L3MBTL4: variants seen among roughly 807,000 people sequenced by gnomAD.
L3MBTL4 encodes L3MBTL histone methyl-lysine binding protein 4.
A neutral mutation model predicts 84.5 loss-of-function variants in L3MBTL4; 70 were observed. The ratio of observed to expected loss-of-function variants is 0.83; its 90% confidence interval spans 0.68 to 1.01. The LOEUF is 1.01. Ranked by LOEUF, L3MBTL4 falls within the 50% of genes least tolerant of loss-of-function variation. The pLI is 0.00. For missense variants in L3MBTL4, 715 were observed against 754.8 expected (o/e 0.95, Z 0.62); for synonymous variants, 274 against 259.8 (o/e 1.05, Z -0.52).
In L3MBTL4 at chr18:6,010,514, G is replaced by A. The variant is rs573300384; in HGVS notation, c.1445-40952C>T. On this transcript the variant is annotated intron_variant, in intron 16 of 18. Transcript: ENST00000317931. ...TGCATAAATGATCGCTGTAGTCAGC[G>A]CCACTTGCATGTGCGGTATTAATAC... is the stretch of plus-strand genomic sequence containing the variant. Among the ~76,000 whole-genome samples the A allele has an allele frequency of 4.6e-5, 7 of 152,256 alleles. No individual in the cohort carries two copies. In the East Asian group the frequency reaches 5.8e-4, roughly 13 times the overall value.
chr18:6,060,996 G>T (rs1323450111), intron 16 of L3MBTL4, among the ~76,000 whole-genome samples: 1 of 152,092 alleles, frequency 6.6e-6, no homozygotes, highest in African/African-American at 2.4e-5. Context: ...ACAAATATAA[G>T]TTTTAAATTC....
chr18:6,268,820 A>G (rs561479770), intron 4 of L3MBTL4, among the ~76,000 whole-genome samples: 4 of 152,326 alleles, frequency 2.6e-5, no homozygotes, highest in African/African-American at 9.6e-5. Flanking sequence ...GGATATGTGT[A>G]TGTGTATACG....
chr18:6,404,218 A>G (rs184554983), intron 1 of L3MBTL4, among the ~76,000 whole-genome samples: 59 of 152,166 alleles, frequency 3.9e-4, no homozygotes, highest in Admixed American at 9.8e-4. Flanking sequence ...TGTGATAAAA[A>G]CCACCTGTTC....
At chr18:6,345,686 A>G (rs1277065369) in intron 1 of L3MBTL4, among the ~76,000 whole-genome samples, 4 of 152,212 alleles carry the variant, frequency 2.6e-5, no homozygotes, top group African/African-American at 9.6e-5. Context: ...ACACAAATAC[A>G]GAGAAACATA....
intron 1 of L3MBTL4, among the ~76,000 whole-genome samples, chr18:6,322,380 A>T (rs1301983930): frequency 1.5e-4 from 22 of 151,234 alleles, no homozygotes. Context: ...AAAAAGAAAA[A>T]GAAAGAAAAT....
intron 1 of L3MBTL4, among the ~76,000 whole-genome samples, chr18:6,385,297 G>A: frequency 6.6e-6 from 1 of 152,192 alleles, no homozygotes; most frequent in East Asian, 1.9e-4. Flanking sequence ...AGCTACTCTA[G>A]AGGCTGAGGC....
chr18:6,228,384 T>A (rs1047968080), intron 10 of L3MBTL4, among the ~76,000 whole-genome samples: 1 of 152,060 alleles, frequency 6.6e-6, no homozygotes, highest in African/African-American at 2.4e-5. Flanking sequence ...CATTTAAAAA[T>A]TAATTAATTG....
At chr18:6,267,525 C>G (rs1209751237) in intron 4 of L3MBTL4, among the ~76,000 whole-genome samples, 1 of 152,236 alleles carries the variant, frequency 6.6e-6, no homozygotes, top group African/African-American at 2.4e-5. Flanking sequence ...AATTTCCACA[C>G]AAGCATTTTG....
intron 1 of L3MBTL4, among the ~76,000 whole-genome samples, chr18:6,407,512 A>G (rs2055785894): frequency 6.6e-6 from 1 of 152,234 alleles, no homozygotes; most frequent in African/African-American, 2.4e-5. Context: ...GGCCAAGACT[A>G]AAGGCTATAA....
At chr18:6,335,907 G>A (rs1164977218) in intron 1 of L3MBTL4, among the ~76,000 whole-genome samples, 1 of 152,102 alleles carries the variant, frequency 6.6e-6, no homozygotes, top group Non-Finnish European at 1.5e-5. Context: ...CCCAGTCTCA[G>A]GTAATATCTT....
At chr18:6,118,559 A>G (rs1366444368) in intron 14 of L3MBTL4, among the ~76,000 whole-genome samples, 3 of 152,224 alleles carry the variant, frequency 2.0e-5, no homozygotes, top group Non-Finnish European at 4.4e-5. Context: ...TGAAAGAAAA[A>G]AAACTCAGAG....
At chr18:6,120,194 T>C (rs1300878719) in intron 14 of L3MBTL4, among the ~76,000 whole-genome samples, 1 of 152,124 alleles carries the variant, frequency 6.6e-6, no homozygotes, top group Non-Finnish European at 1.5e-5. Flanking sequence ...TGTGCAACAC[T>C]CGGTCCTCCC....
At chr18:5,970,389 A>C (rs1487205996) in intron 16 of L3MBTL4, among the ~76,000 whole-genome samples, 2 of 152,172 alleles carry the variant, frequency 1.3e-5, no homozygotes, top group African/African-American at 4.8e-5. Flanking sequence ...ACACTTATCA[A>C]CAGCCTTCTG....
intron 4 of L3MBTL4, among the ~76,000 whole-genome samples, chr18:6,275,675 C>T (rs956435100): frequency 2.6e-5 from 4 of 152,096 alleles, no homozygotes; most frequent in East Asian, 1.9e-4. Flanking sequence ...AACTCAATCA[C>T]GACATTGCAT....
chr18:6,088,025 A>C (rs1348804848), intron 15 of L3MBTL4, among the ~76,000 whole-genome samples: 1 of 152,258 alleles, frequency 6.6e-6, no homozygotes, highest in Non-Finnish European at 1.5e-5. Flanking sequence ...CATAAAGAAG[A>C]AAAAGCAAAA....
intron 13 of L3MBTL4, among the ~76,000 whole-genome samples, chr18:6,167,931 C>T (rs1373066815): frequency 6.6e-6 from 1 of 152,136 alleles, no homozygotes; most frequent in African/African-American, 2.4e-5. Context: ...AAAACCACAT[C>T]ATCTCAGCCC....
chr18:6,023,193 T>C (rs968144206), intron 16 of L3MBTL4, among the ~76,000 whole-genome samples: 2 of 152,204 alleles, frequency 1.3e-5, no homozygotes, highest in Non-Finnish European at 2.9e-5. Context: ...TTTATGTGGC[T>C]AGACATACTG....
chr18:6,403,794 C>T (rs1050439391), intron 1 of L3MBTL4, among the ~76,000 whole-genome samples: 1 of 152,176 alleles, frequency 6.6e-6, no homozygotes, highest in Non-Finnish European at 1.5e-5. Flanking sequence ...GCCACATGCA[C>T]ATGCATGTTT....
At chr18:6,371,040 A>C (rs163749) in intron 1 of L3MBTL4, among the ~76,000 whole-genome samples, 1 of 151,946 alleles carries the variant, frequency 6.6e-6, no homozygotes, top group Admixed American at 6.6e-5. Flanking sequence ...ACCCAGGGTC[A>C]GCACAGTTTT....
Sources: allele counts gnomAD v4.1 joint callset (sites outside exome capture counted in the v4.1 genomes callset), GRCh38; gene constraint gnomAD v4.1.1; transcripts MANE v1.5; gene names NCBI Gene and HGNC (gene_info 2026-07-23, HGNC 2026-07-21).